Variants in JAKMIP2 observed in about 807,000 individuals in gnomAD.
The protein encoded by JAKMIP2 is janus kinase and microtubule-interacting protein 2.
JAKMIP2 carries 25 observed loss-of-function variants against 115.0 expected under a neutral mutation model. The ratio of observed to expected loss-of-function variants is 0.22; its 90% CI spans 0.16 to 0.30. JAKMIP2 has a LOEUF of 0.30. Among genes scored for constraint, JAKMIP2 ranks in the 10% least tolerant of loss-of-function variants. The pLI, the probability that JAKMIP2 is intolerant of heterozygous loss-of-function variation, is 1.00. For synonymous variants in JAKMIP2, 334 were observed against 343.6 expected, an observed-to-expected ratio of 0.97 and a Z score of 0.31; for missense variants, 642 against 957.6, an observed-to-expected ratio of 0.67 and a Z score of 4.35.
In JAKMIP2 at chr5:147,736,285, G is replaced by A. The variant is rs556212187; in HGVS notation, c.-149+46171C>T. On this transcript the variant is annotated intron_variant, in intron 1 of 21. Coordinates refer to ENST00000616793, the MANE Select transcript of JAKMIP2 (RefSeq NM_001270941.2). ...AGCCTGGCCAACATACTGAAACCCCGTCTCTATTAAGAATACAAAAAAAAA... is the reference window on the plus strand; with the variant it reads ...AGCCTGGCCAACATACTGAAACCCCATCTCTATTAAGAATACAAAAAAAAA... 4.2e-4 allele frequency among the ~76,000 whole-genome samples: 64 copies of A among 151,396 alleles called. 1 individual carries two copies. Among genetic ancestry groups the A allele is most frequent in the African/African-American group, 9.2e-4 (38 of 41,192 alleles).
intron 1 of JAKMIP2, among the ~76,000 whole-genome samples, chr5:147,695,054 C>A (rs1003769051): frequency 1.3e-5 from 2 of 152,064 alleles, no homozygotes; most frequent in African/African-American, 4.8e-5. Flanking sequence ...GGATTTTCTC[C>A]CTTCATTCTC....
Position 147,629,570 on chromosome 5 carries a change from G to C in JAKMIP2, c.1929+123C>G, listed in dbSNP as rs184474669. ...TGATAAATTGTATATTCTTCCCAAG[G>C]AGCAACATCCTTAAGTGAAATGGCA... is the stretch of plus-strand genomic sequence containing the variant. On this transcript the variant is annotated intron_variant, in intron 15 of 21. Coordinates refer to ENST00000616793, the MANE Select transcript of JAKMIP2 (RefSeq NM_001270941.2). The C allele has an allele frequency of 1.1e-5, 7 of 643,052 alleles. No homozygotes were observed. In the East Asian group the frequency reaches 1.4e-4, roughly 13 times the overall value. The allele number at this position is 643,052 out of a possible 1,614,324, so 39.8% of individuals were successfully genotyped here.
At chr5:147,637,296 A>G (rs1757659253) in intron 10 of JAKMIP2, among the ~76,000 whole-genome samples, 1 of 151,992 alleles carries the variant, frequency 6.6e-6, no homozygotes, top group Non-Finnish European at 1.5e-5. Context: ...CCTACTACTC[A>G]TCAGCCTAGA....
intron 9 of JAKMIP2, among the ~76,000 whole-genome samples, chr5:147,640,181 T>G (rs938430219): frequency 2.0e-5 from 3 of 152,190 alleles, no homozygotes; most frequent in Non-Finnish European, 4.4e-5. Context: ...TCATAAAATC[T>G]GTTTTATTGC....
intron 19 of JAKMIP2, among the ~76,000 whole-genome samples, chr5:147,617,665 C>T (rs748304994): frequency 6.6e-6 from 1 of 152,170 alleles, no homozygotes; most frequent in Admixed American, 6.5e-5. Context: ...TTCATGAAAA[C>T]GTAGTTCTAA....
intron 1 of JAKMIP2, among the ~76,000 whole-genome samples, chr5:147,687,385 A>G (rs1037884835): frequency 2.6e-5 from 4 of 152,196 alleles, no homozygotes. Context: ...TGAGTGCTGA[A>G]ACAGAGAAGC....
intron 1 of JAKMIP2, among the ~76,000 whole-genome samples, chr5:147,764,862 G>A (rs1270221908): frequency 6.8e-6 from 1 of 146,352 alleles, no homozygotes; most frequent in African/African-American, 2.6e-5. Context: ...CTCCAGGCTG[G>A]TGACAGAGTG....
intron 1 of JAKMIP2, among the ~76,000 whole-genome samples, chr5:147,731,141 G>A (rs184722036): frequency 6.6e-6 from 1 of 152,292 alleles, no homozygotes; most frequent in East Asian, 1.9e-4. Flanking sequence ...GCAGAAACAA[G>A]GGTCACGTCA....
At chr5:147,597,281 A>T (rs1416237527) in intron 21 of JAKMIP2, among the ~76,000 whole-genome samples, 2 of 152,172 alleles carry the variant, frequency 1.3e-5, no homozygotes, top group Non-Finnish European at 2.9e-5. Context: ...ACGTTTTAAC[A>T]AATAATACAG....
chr5:147,656,445 CTTCT>C (rs1334820945), intron 3 of JAKMIP2, among the ~76,000 whole-genome samples: 1 of 152,106 alleles, frequency 6.6e-6, no homozygotes, highest in Non-Finnish European at 1.5e-5. Flanking sequence ...ATGTAATGCC[CTTCT>C]TTGTCTTTTT....
At chr5:147,748,478 C>T (rs1054502234) in intron 1 of JAKMIP2, among the ~76,000 whole-genome samples, 13 of 152,098 alleles carry the variant, frequency 8.5e-5, no homozygotes, top group African/African-American at 3.1e-4. Flanking sequence ...AAAGCAGCCC[C>T]AAATCATTTC....
rs916145546 is a variant in JAKMIP2 at position 147,589,477 on chromosome 5, A to G, written c.*2230T>C. 3 of 151,612 alleles carry G rather than the reference A, an allele frequency of 2.0e-5. No individual in the cohort carries two copies. The highest frequency in any genetic ancestry group is 7.3e-5 in the African/African-American group (3 of 41,264). 9.4% of individuals were successfully genotyped at this position (151,612 alleles called of 1,614,324 possible). On this transcript the variant is annotated 3_prime_UTR_variant, in exon 22 of 22. Coordinates refer to ENST00000616793, the MANE Select transcript of JAKMIP2 (RefSeq NM_001270941.2). ...AAAAAAAAAAAAAGAATACAGCAGG[A>G]TAGTCTGTTTTGTATCTTCCCAGTA...
intron 19 of JAKMIP2, among the ~76,000 whole-genome samples, chr5:147,615,664 T>C (rs35502493): frequency 1.3e-5 from 2 of 152,106 alleles, no homozygotes; most frequent in African/African-American, 4.8e-5. Context: ...GGCACCTGCA[T>C]GTACTTTTAA....
At chr5:147,629,127 A>C (rs968127713) in intron 15 of JAKMIP2, among the ~76,000 whole-genome samples, 1 of 152,184 alleles carries the variant, frequency 6.6e-6, no homozygotes, top group Non-Finnish European at 1.5e-5. Flanking sequence ...TCTTCATAGA[A>C]GTTTTGATGT....
At chr5:147,781,471 T>C (rs1351039197) in intron 1 of JAKMIP2, among the ~76,000 whole-genome samples, 1 of 152,210 alleles carries the variant, frequency 6.6e-6, no homozygotes, top group Non-Finnish European at 1.5e-5. Context: ...TTTGGTAAGA[T>C]GCTAGACACA....
chr5:147,680,744 G>A (rs990754020), intron 1 of JAKMIP2, among the ~76,000 whole-genome samples: 2 of 152,152 alleles, frequency 1.3e-5, no homozygotes, highest in African/African-American at 4.8e-5. Context: ...GTCACACTGT[G>A]TATTCATAAA....
intron 1 of JAKMIP2, among the ~76,000 whole-genome samples, chr5:147,691,088 T>C (rs989391483): frequency 6.6e-6 from 1 of 151,906 alleles, no homozygotes; most frequent in Non-Finnish European, 1.5e-5. Flanking sequence ...GATAGGGAGG[T>C]TGGTATTTTA....
intron 5 of JAKMIP2, among the ~76,000 whole-genome samples, chr5:147,648,061 T>C (rs1758211478): frequency 6.6e-6 from 1 of 152,106 alleles, no homozygotes; most frequent in South Asian, 2.1e-4. Flanking sequence ...GAGAAAATAT[T>C]GTATGATTTC....
chr5:147,754,008 A>G (rs1351928009), intron 1 of JAKMIP2, among the ~76,000 whole-genome samples: 1 of 152,186 alleles, frequency 6.6e-6, no homozygotes, highest in Non-Finnish European at 1.5e-5. Context: ...CATCACTGAC[A>G]TCACTGTGCC....
Sources: gnomAD v4.1 joint callset for allele counts (sites outside exome capture counted in the v4.1 genomes callset) on GRCh38, gnomAD v4.1.1 for gene constraint, MANE v1.5 for transcripts, NCBI Gene and HGNC (gene_info 2026-07-23, HGNC 2026-07-21) for gene names.